The following ASTN2 variants were observed in gnomAD, a reference collection of about 807,000 sequenced individuals.
The protein encoded by ASTN2 is astrotactin-2.
Under a neutral mutation model 139.8 loss-of-function variants are expected in ASTN2, and 54 were observed. The observed-to-expected ratio is 0.39, with a 90% confidence interval of 0.31 to 0.48. The LOEUF is 0.48. Among genes scored for constraint, ASTN2 ranks in the 20% least tolerant of loss-of-function variants. ASTN2 has a pLI of 0.95. For synonymous variants in ASTN2, 756 were observed against 719.5 expected (o/e 1.05, Z -0.81); for missense variants, 1,565 against 1,725.1 (o/e 0.91, Z 1.64).
At chr9:117,358,163 T>G (rs1829593754) in intron 1 of ASTN2, among the ~76,000 whole-genome samples, 1 of 152,056 alleles carries the variant, frequency 6.6e-6, no homozygotes, top group African/African-American at 2.4e-5. Context: ...AGGATATGCC[T>G]ATTAGTTTCC....
chr9:116,529,968 T>C (rs1036243661), intron 19 of ASTN2, among the ~76,000 whole-genome samples: 1 of 151,412 alleles, frequency 6.6e-6, no homozygotes, highest in African/African-American at 2.4e-5. Context: ...CAGTATATAT[T>C]CAAAAGATAT....
intron 19 of ASTN2, chr9:116,568,804 T>G (rs1306561171): frequency 6.6e-6 from 1 of 152,224 alleles, no homozygotes; most frequent in African/African-American, 2.4e-5. Flanking sequence ...GGCCAAGGGA[T>G]AGAGGATCCC....
At chr9:117,126,986 G>A (rs182727379) in intron 4 of ASTN2, among the ~76,000 whole-genome samples, 1 of 152,258 alleles carries the variant, frequency 6.6e-6, no homozygotes, top group Admixed American at 6.5e-5. Context: ...GCTAGAATTG[G>A]GGAAATGGGA....
rs142269664 is a variant in ASTN2 at position 116,988,077 on chromosome 9, G to A, written c.1592-11292C>T. 2.6e-4 allele frequency among the ~76,000 whole-genome samples: 40 copies of A among 152,294 alleles called. 1 individual carries two copies. The East Asian group carries it at 7.7e-3, about 29-fold the overall frequency. On this transcript the variant is annotated intron_variant, in intron 7 of 22. Transcript: ENST00000313400. ...ATTTTCAGACCGCAGTTGACTGTGG[G>A]TAACGGATACTGTAGAAAGGAAACT...
In ASTN2 at chr9:116,440,682, G is replaced by A; in HGVS notation, c.3709C>T (p.Gln1237Ter). Residue 1237 changes from glutamine (Q) to a stop codon, truncating the protein, a stop_gained, in exon 22 of 23, where the codon CAG becomes TAG. Coordinates refer to ENST00000313400, the MANE Select transcript of ASTN2 (RefSeq NM_001365068.1). LOFTEE classifies it high-confidence loss of function. ...EVSASMLFRV[Q>*]HHYNSHYEKF... ...TCATAGTGAGAGTTGTAGTGGTGCT[G>A]GACTCGGAACAGCATCGAGGCTGAG... The A allele has an allele frequency of 6.2e-7, 1 of 1,614,192 alleles. No homozygotes were observed. The highest frequency in any genetic ancestry group is 8.5e-7 in the Non-Finnish European group (1 of 1,180,042).
At chr9:116,906,920 TTAATA>T (rs1284556810) in intron 10 of ASTN2, among the ~76,000 whole-genome samples, 2 of 152,190 alleles carry the variant, frequency 1.3e-5, no homozygotes, top group Non-Finnish European at 2.9e-5. Flanking sequence ...AATGTCTCTA[TTAATA>T]TTTTTCTAGC....
At chr9:116,600,321 CTCAAAAAAAAAAA>C (rs1854811215) in intron 19 of ASTN2, among the ~76,000 whole-genome samples, 1 of 36,324 alleles carries the variant, frequency 2.8e-5, no homozygotes, top group Non-Finnish European at 5.1e-5. Flanking sequence ...GAGACCCTGT[CTCAAAAAAAAAAA>C]AAAAAAAAAA....
chr9:116,543,437 C>CA (rs889238650), intron 19 of ASTN2, among the ~76,000 whole-genome samples: 7,462 of 121,746 alleles, frequency 0.061, 318 homozygotes, highest in African/African-American at 0.15. Context: ...CACCCTGTCT[C>CA]AAAAAAAAAA....
chr9:116,870,529 T>C (rs1833133792), intron 10 of ASTN2, among the ~76,000 whole-genome samples: 1 of 152,202 alleles, frequency 6.6e-6, no homozygotes, highest in South Asian at 2.1e-4. Flanking sequence ...TGTTCCTATA[T>C]AACCCAGACA....
chr9:117,257,965 G>GT, intron 2 of ASTN2, among the ~76,000 whole-genome samples: 1 of 152,146 alleles, frequency 6.6e-6, no homozygotes, highest in Non-Finnish European at 1.5e-5. Context: ...CAGGTTATAG[G>GT]TTTTTTTGTT....
At chr9:116,911,844 G>A (rs1440034585) in intron 10 of ASTN2, among the ~76,000 whole-genome samples, 1 of 152,162 alleles carries the variant, frequency 6.6e-6, no homozygotes, top group Non-Finnish European at 1.5e-5. Context: ...AGTGAGCCAA[G>A]ATTGCGCCAC....
At chr9:116,523,650 T>C (rs1167953796) in intron 19 of ASTN2, among the ~76,000 whole-genome samples, 4 of 152,142 alleles carry the variant, frequency 2.6e-5, no homozygotes, top group Admixed American at 6.5e-5. Context: ...GTTATTTTTA[T>C]GATAATGGCA....
intron 3 of ASTN2, among the ~76,000 whole-genome samples, chr9:117,196,897 A>G (rs1831523548): frequency 1.5e-5 from 2 of 129,220 alleles, no homozygotes; most frequent in African/African-American, 5.8e-5. Flanking sequence ...GTAGAAAAGC[A>G]TACCCAGCTC....
intron 1 of ASTN2, among the ~76,000 whole-genome samples, chr9:117,329,673 C>A (rs373203222): frequency 3.9e-5 from 6 of 152,230 alleles, no homozygotes; most frequent in African/African-American, 1.4e-4. Context: ...TCTCCAAGAT[C>A]ACTTGGCAAG....
chr9:116,677,226 A>G (rs1859560566), intron 16 of ASTN2, among the ~76,000 whole-genome samples: 1 of 152,100 alleles, frequency 6.6e-6, no homozygotes, highest in Non-Finnish European at 1.5e-5. Flanking sequence ...TGCCACTCTT[A>G]ATGCATACAT....
chr9:116,803,017 T>A (rs1362164025), intron 13 of ASTN2, among the ~76,000 whole-genome samples: 2 of 152,258 alleles, frequency 1.3e-5, no homozygotes, highest in African/African-American at 4.8e-5. Flanking sequence ...TGGGAACTCT[T>A]TGGAAACCAT....
At chr9:116,940,029 A>T (rs1478362471) in intron 10 of ASTN2, among the ~76,000 whole-genome samples, 2 of 152,230 alleles carry the variant, frequency 1.3e-5, no homozygotes, top group East Asian at 3.9e-4. Flanking sequence ...ACATACAATT[A>T]TGTACAGTAC....
chr9:116,528,387 A>G (rs1851184360), intron 19 of ASTN2, among the ~76,000 whole-genome samples: 1 of 152,224 alleles, frequency 6.6e-6, no homozygotes, highest in Non-Finnish European at 1.5e-5. Context: ...GCAGCAAAGC[A>G]TTCAAGAAAT....
intron 1 of ASTN2, among the ~76,000 whole-genome samples, chr9:117,411,195 T>C (rs929078987): frequency 1.3e-5 from 2 of 152,160 alleles, no homozygotes; most frequent in African/African-American, 2.4e-5. Flanking sequence ...ATATATGTTA[T>C]GTAAATTAAT....
Sources: gnomAD v4.1 joint callset for allele counts (sites outside exome capture counted in the v4.1 genomes callset) on GRCh38, gnomAD v4.1.1 for gene constraint, MANE v1.5 for transcripts, NCBI Gene and HGNC (gene_info 2026-07-23, HGNC 2026-07-21) for gene names.